The following DPYSL5 variants were observed in gnomAD, a reference collection of about 807,000 sequenced individuals.
DPYSL5 encodes dihydropyrimidinase-related protein 5.
Under a neutral mutation model 58.4 loss-of-function variants are expected in DPYSL5, and 9 were observed. The observed-to-expected ratio is 0.15, with a 90% confidence interval of 0.09 to 0.27. DPYSL5 has a LOEUF of 0.27. DPYSL5 is among the 10% of genes least tolerant of loss of function. The pLI, the probability that DPYSL5 is intolerant of heterozygous loss-of-function variation, is 1.00. For synonymous variants in DPYSL5, 293 were observed against 301.9 expected (o/e 0.97, Z 0.31); for missense variants, 499 against 770.6 (o/e 0.65, Z 4.17).
chr2:26,861,004 C>T (rs1434997749), intron 1 of DPYSL5, among the ~76,000 whole-genome samples: 1 of 152,088 alleles, frequency 6.6e-6, no homozygotes, highest in Non-Finnish European at 1.5e-5. Context: ...ATTTGTCACC[C>T]GTGGCTGGCT....
intron 1 of DPYSL5, among the ~76,000 whole-genome samples, chr2:26,872,504 A>G (rs1388766177): frequency 6.6e-6 from 1 of 152,174 alleles, no homozygotes; most frequent in African/African-American, 2.4e-5. Context: ...AGCCTGCCCA[A>G]CATGGTGAAA....
Position 26,947,015 on chromosome 2 carries a change from G to T in DPYSL5, c.*20G>T. ...TGGTAAAGGCATTGCCAAGCCCCCCGAGTGAGGACGCACCGCCGCCACCAG... is the reference window on the plus strand; with the variant it reads ...TGGTAAAGGCATTGCCAAGCCCCCCTAGTGAGGACGCACCGCCGCCACCAG... On this transcript the variant is annotated 3_prime_UTR_variant, in exon 13 of 13. Coordinates refer to ENST00000288699, the MANE Select transcript of DPYSL5 (RefSeq NM_020134.4). This position sits in a 1 kb window ranked among gnomAD's most constrained non-coding sequence, Gnocchi z 4.2. 6.3e-7 allele frequency: 1 copy of T among 1,584,120 alleles called. No individual in the cohort carries two copies. The highest frequency in any genetic ancestry group is 1.1e-5 in the South Asian group (1 of 89,668).
At chr2:26,883,245 T>A (rs1458569362) in intron 1 of DPYSL5, among the ~76,000 whole-genome samples, 1 of 152,136 alleles carries the variant, frequency 6.6e-6, no homozygotes. Context: ...GCCAGAGCAA[T>A]AACCCCTATC....
Position 26,942,643 on chromosome 2 carries a change from G to A in DPYSL5, c.1333G>A (p.Val445Ile). ...ACTGGTCACCATCAGCCGGGGGCGC[G>A]TCGTGTATGAGAACGGCGTCTTCAT... ...VPLVTISRGR[V>I]VYENGVFMCA... Residue 445 changes from valine (V) to isoleucine (I), a missense_variant, in exon 11 of 13, where the codon GTC becomes ATC. Around this residue, in one of 3 missense-constraint regions of DPYSL5, gnomAD observed 404 missense variants for 647.6 expected, o/e 0.62. Coordinates refer to ENST00000288699, the MANE Select transcript of DPYSL5 (RefSeq NM_020134.4). This position sits in a 1 kb window ranked among gnomAD's most constrained non-coding sequence, Gnocchi z 5.9. The A allele has an allele frequency of 6.2e-7, 1 of 1,614,142 alleles. No individual in the cohort carries two copies. The highest frequency in any genetic ancestry group is 8.5e-7 in the Non-Finnish European group (1 of 1,180,032).
intron 1 of DPYSL5, among the ~76,000 whole-genome samples, chr2:26,865,745 G>T (rs1406952602): frequency 6.6e-6 from 1 of 152,220 alleles, no homozygotes; most frequent in Non-Finnish European, 1.5e-5. Flanking sequence ...GGCTGGAAAA[G>T]ATAGCTCATG....
In DPYSL5 at chr2:26,944,579, C is replaced by A; in HGVS notation, c.1441-77C>A. ...GCAGTGTCTAATGTCCCACCGGCCC[C>A]CAGGGAGGCCATGGTTGTATCACTC... is the stretch of plus-strand genomic sequence containing the variant. On this transcript the variant is annotated intron_variant, in intron 11 of 12. Coordinates refer to ENST00000288699, the MANE Select transcript of DPYSL5 (RefSeq NM_020134.4). The surrounding 1 kb of genome is among the most constrained non-coding windows in gnomAD (Gnocchi z 4.4). The A allele has an allele frequency of 6.6e-7, 1 of 1,525,582 alleles. No individual in the cohort carries two copies. The allele number at this position is 1,525,582 out of a possible 1,614,324, so 94.5% of individuals were successfully genotyped here.
At chr2:26,931,147 AAAAAAAT>A (rs1301284253) in intron 5 of DPYSL5, among the ~76,000 whole-genome samples, 30 of 41,620 alleles carry the variant, frequency 7.2e-4, no homozygotes, top group African/African-American at 1.5e-3. Context: ...TAAAAAAAAA[AAAAAAAT>A]ATATATATAT....
intron 1 of DPYSL5, among the ~76,000 whole-genome samples, chr2:26,862,885 C>T (rs1157930715): frequency 6.6e-6 from 1 of 152,186 alleles, no homozygotes; most frequent in African/African-American, 2.4e-5. Flanking sequence ...TCAATGTGTA[C>T]AGCCTATTCC....
chr2:26,930,555 T>G (rs1664945008), intron 5 of DPYSL5, among the ~76,000 whole-genome samples: 1 of 152,214 alleles, frequency 6.6e-6, no homozygotes, highest in South Asian at 2.1e-4. Flanking sequence ...CTGGGTGCAG[T>G]GGCTCACACC....
Position 26,928,326 on chromosome 2 carries a change from G to A in DPYSL5, c.669+3G>A. On this transcript the variant is annotated splice_donor_region_variant and intron_variant, in intron 5 of 12. Transcript: ENST00000288699. ...TCGAGATCAGCCGTCCAGAGGAGGT[G>A]AGAAACACTTCCTGTAGCCTTTGTC... is the stretch of plus-strand genomic sequence containing the variant. The A allele has an allele frequency of 2.5e-6, 4 of 1,613,806 alleles. No individual in the cohort carries two copies. Among genetic ancestry groups the A allele is most frequent in the Non-Finnish European group, 3.4e-6 (4 of 1,179,866 alleles).
At chr2:26,871,007 T>C (rs1663248506) in intron 1 of DPYSL5, among the ~76,000 whole-genome samples, 1 of 152,222 alleles carries the variant, frequency 6.6e-6, no homozygotes, top group Non-Finnish European at 1.5e-5. Flanking sequence ...CGAACCACCT[T>C]TCAGGTGCCC....
intron 2 of DPYSL5, among the ~76,000 whole-genome samples, chr2:26,918,689 G>A (rs1303832485): frequency 1.3e-5 from 2 of 152,178 alleles, no homozygotes; most frequent in African/African-American, 4.8e-5. Context: ...TCTTAGTGCA[G>A]TATTGTTCCC....
intron 1 of DPYSL5, among the ~76,000 whole-genome samples, chr2:26,893,465 C>G (rs1268433226): frequency 6.6e-6 from 1 of 152,184 alleles, no homozygotes; most frequent in Admixed American, 6.5e-5. Flanking sequence ...TATGTTGCTC[C>G]CTTTGTTCTA....
intron 1 of DPYSL5, among the ~76,000 whole-genome samples, chr2:26,860,793 C>T (rs574801428): frequency 3.9e-5 from 6 of 152,208 alleles, no homozygotes; most frequent in African/African-American, 9.6e-5. Context: ...ATATTTAATG[C>T]GTGCCACCCT....
At chr2:26,882,940 A>T (rs1036681994) in intron 1 of DPYSL5, among the ~76,000 whole-genome samples, 1 of 151,352 alleles carries the variant, frequency 6.6e-6, no homozygotes, top group Non-Finnish European at 1.5e-5. Flanking sequence ...GCAATGTAAC[A>T]TATAGAAAGT....
At chr2:26,900,301 A>G (rs917815511) in intron 2 of DPYSL5, among the ~76,000 whole-genome samples, 1 of 152,228 alleles carries the variant, frequency 6.6e-6, no homozygotes, top group Non-Finnish European at 1.5e-5. Context: ...ATGTATTTAA[A>G]GTGTGTAAGT....
chr2:26,932,812 G>T (rs1357986992), intron 6 of DPYSL5, among the ~76,000 whole-genome samples: 1 of 152,174 alleles, frequency 6.6e-6, no homozygotes, highest in Admixed American at 6.5e-5. Flanking sequence ...CATCTCCAGG[G>T]TGCATTCTGT....
rs112769372 is a variant in DPYSL5 at position 26,931,780 on chromosome 2, C to G, written c.714+96C>G. The G allele has an allele frequency of 6.0e-3, 7,798 of 1,299,558 alleles. 167 individuals carry two copies. In the African/African-American group the frequency reaches 0.072, roughly 12 times the overall value. The allele number at this position is 1,299,558 out of a possible 1,614,324, so 80.5% of individuals were successfully genotyped here. On this transcript the variant is annotated intron_variant, in intron 6 of 12. Transcript: ENST00000288699. ...CCCAGCACTTTGGGAGGCCGAGGTG[C>G]GTGGATCACCTGAGGTTAAGAGTTT...
chr2:26,891,093 T>TACAA (rs1352574954), intron 1 of DPYSL5, among the ~76,000 whole-genome samples: 1 of 152,220 alleles, frequency 6.6e-6, no homozygotes, highest in East Asian at 1.9e-4. Context: ...TCTGCTCTGT[T>TACAA]ACAAACTAGT....
Sources: allele counts gnomAD v4.1 joint callset (sites outside exome capture counted in the v4.1 genomes callset), GRCh38; gene constraint gnomAD v4.1.1; regional missense constraint gnomAD v4.1.1; non-coding constraint Gnocchi (gnomAD v3.1); transcripts MANE v1.5; gene names NCBI Gene and HGNC (gene_info 2026-07-23, HGNC 2026-07-21).